Variants in EGR2 observed in about 807,000 individuals in gnomAD.
The protein encoded by EGR2 is E3 SUMO-protein ligase EGR2.
A neutral mutation model predicts 21.2 loss-of-function variants in EGR2; 2 were observed. The ratio of observed to expected loss-of-function variants is 0.09; its 90% CI spans 0.04 to 0.30. EGR2 has a LOEUF of 0.30. Among genes scored for constraint, EGR2 ranks in the 10% least tolerant of loss-of-function variants. The pLI is 1.00. For synonymous variants in EGR2, 282 were observed against 258.2 expected (o/e 1.09, Z -0.88); for missense variants, 458 against 630.2 (o/e 0.73, Z 2.93).
chr10:62,818,345 C>G (rs539494728), upstream of EGR2, among the ~76,000 whole-genome samples: 1 of 152,354 alleles, frequency 6.6e-6, no homozygotes, highest in Non-Finnish European at 1.5e-5. Flanking sequence ...ACTTAAGTCA[C>G]CCAGAGCACA....
In EGR2 at chr10:62,816,214, T is replaced by A; in HGVS notation, c.-185A>T. 1 of 1,482,146 alleles carries A rather than the reference T, an allele frequency of 6.7e-7. No homozygotes were observed. Among genetic ancestry groups the A allele is most frequent in the Non-Finnish European group, 8.9e-7 (1 of 1,119,972 alleles). 91.8% of individuals were successfully genotyped at this position (1,482,146 alleles called of 1,614,324 possible). On this transcript the variant is annotated 5_prime_UTR_variant, in exon 1 of 2. Coordinates refer to ENST00000242480, the MANE Select transcript of EGR2 (RefSeq NM_000399.5). ...AATAAAAGTAGCAAACAAGTTGCTGTTTTTTAAGAAATAAGAAAAATGTCT... is the reference window on the plus strand; with the variant it reads ...AATAAAAGTAGCAAACAAGTTGCTGATTTTTAAGAAATAAGAAAAATGTCT...
chr10:62,819,090 A>G (rs371260302), upstream of EGR2: 66 of 152,442 alleles, frequency 4.3e-4, 2 homozygotes, highest in African/African-American at 1.5e-3. Context: ...CATTAGAGTA[A>G]ATGAGAGTGA....
Position 62,814,217 on chromosome 10 carries a change from G to C in EGR2, c.421C>G (p.Pro141Ala). 2 of 1,614,182 alleles carry C rather than the reference G, an allele frequency of 1.2e-6. No homozygotes were observed. The highest frequency in any genetic ancestry group is 1.7e-6 in the Non-Finnish European group (2 of 1,180,010). The change falls in exon 2 of 2, where the codon CCC becomes GCC. Residue 141 changes from proline to alanine, a missense_variant. Around this residue, in one of 5 missense-constraint regions of EGR2, gnomAD observed 253 missense variants for 315.5 expected, o/e 0.80. Transcript: ENST00000242480. This position sits in a 1 kb window ranked among gnomAD's most constrained non-coding sequence, Gnocchi z 4.8. The part of the protein sequence containing the change: ...TASSSVTSAS[P>A]NPLATGPLGV... ...AGGGGTCCTGTGGCCAGTGGGTTGG[G>C]GGAGGCAGAGGTGACGCTGGATGAG...
upstream of EGR2, chr10:62,818,501 GAAAGA>G (rs1589084452): frequency 8.8e-7 from 1 of 1,136,858 alleles, no homozygotes; most frequent in Non-Finnish European, 1.1e-6. Flanking sequence ...AAGAAAGAAA[GAAAGA>G]AAAGAAAAGC....
upstream of EGR2, chr10:62,818,450 G>C: frequency 1.6e-6 from 1 of 620,198 alleles, no homozygotes; most frequent in South Asian, 2.2e-5. Flanking sequence ...CACCCTAGTA[G>C]ATACCCCACC....
In EGR2 at chr10:62,813,884, G is replaced by A; in HGVS notation, c.754C>T (p.Pro252Ser). The A allele has an allele frequency of 6.2e-7, 1 of 1,614,192 alleles. No individual in the cohort carries two copies. The highest frequency in any genetic ancestry group is 8.5e-7 in the Non-Finnish European group (1 of 1,180,042). The change falls in exon 2 of 2, where the codon CCA (proline) becomes TCA (serine). Residue 252 changes from proline to serine, a missense_variant. Physicochemically the swap from Pro to Ser is moderately conservative, Grantham distance 74. Transcript: ENST00000242480. The surrounding 1 kb of genome is among the most constrained non-coding windows in gnomAD (Gnocchi z 5.7). ...GGGGGCACCCGCAGGGTGTCCAGTG[G>A]GCAGGGAAAGGGCTTACGGTCTGGG... Reference protein sequence around the residue: ...AGPDRKPFPCPLDTLRVPPPL... With the variant: ...AGPDRKPFPCSLDTLRVPPPL...
rs765263548 is a variant in EGR2, at chr10:62,813,327, G to T, written c.1311C>A (p.Ala437=). 2 of 1,587,588 alleles carry T rather than the reference G, an allele frequency of 1.3e-6. No homozygotes were observed. Among genetic ancestry groups the T allele is most frequent in the Non-Finnish European group, 1.7e-6 (2 of 1,164,346 alleles). ...CCCCAGAGCAGGAGGCTGTAGAGGG[G>T]GCTGGCACCGATGCAGAGGGGGCAC... The part of the protein sequence containing the change: ...KSSAPSASVP[A]PSTASCSGGV... Residue 437 remains alanine, a synonymous_variant, in exon 2 of 2, where the codon GCC becomes GCA. Coordinates refer to ENST00000242480, the MANE Select transcript of EGR2 (RefSeq NM_000399.5). The surrounding 1 kb of genome is among the most constrained non-coding windows in gnomAD (Gnocchi z 5.7).
At chr10:62,817,898 T>C (rs1838291846), upstream of EGR2, among the ~76,000 whole-genome samples, 1 of 152,236 alleles carries the variant, frequency 6.6e-6, no homozygotes, top group Non-Finnish European at 1.5e-5. The surrounding 1 kb of genome is among the most constrained non-coding windows in gnomAD (Gnocchi z 4.4). Flanking sequence ...CACAGGAGGC[T>C]GGTCCCGGGT....
rs1237089661 is a variant in EGR2, at chr10:62,814,460, T to A, written c.178A>T (p.Ile60Phe). ...QMNGVAGDGM[I>F]NIDMTGEKRS... Reference sequence around the variant, plus strand: ...TTCTCTCCAGTCATGTCAATGTTGATCATGCCATCTGGGGAGGGGAAAGGC... The same window carrying A: ...TTCTCTCCAGTCATGTCAATGTTGAACATGCCATCTGGGGAGGGGAAAGGC... The change falls in exon 2 of 2, where the codon ATC becomes TTC. Residue 60 changes from isoleucine (I) to phenylalanine (F), a missense_variant. Around this residue, in one of 5 missense-constraint regions of EGR2, gnomAD observed 91 missense variants for 105.2 expected, o/e 0.87. Transcript: ENST00000242480. This position sits in a 1 kb window ranked among gnomAD's most constrained non-coding sequence, Gnocchi z 4.8. 6.2e-7 allele frequency: 1 copy of A among 1,613,994 alleles called. No individual in the cohort carries two copies. Among genetic ancestry groups the A allele is most frequent in the Non-Finnish European group, 8.5e-7 (1 of 1,179,992 alleles).
At chr10:62,818,053 C>CT (rs1249742443), upstream of EGR2, among the ~76,000 whole-genome samples, 1 of 152,272 alleles carries the variant, frequency 6.6e-6, no homozygotes, top group African/African-American at 2.4e-5. Flanking sequence ...TGTCCTGTCC[C>CT]TTTTTCACCC....
upstream of EGR2, chr10:62,818,545 T>G: frequency 5.6e-6 from 7 of 1,247,124 alleles, no homozygotes; most frequent in Non-Finnish European, 7.2e-6. Context: ...TCTTACCACG[T>G]GCGCCAGCCC....
Position 62,814,056 on chromosome 10 carries a change from G to A in EGR2, c.582C>T (p.Thr194=). 1 of 1,614,158 alleles carries A rather than the reference G, an allele frequency of 6.2e-7. No homozygotes were observed. The highest frequency in any genetic ancestry group is 1.1e-5 in the South Asian group (1 of 91,078). ...DPSAFLSAAT[T]STSSSLAYPP... ...GGTAGGCCAGAGAGGAAGAGGTGGA[G>A]GTGGTGGCTGCTGACAGGAACGCAG... The change falls in exon 2 of 2, where the codon ACC becomes ACT. Residue 194 remains threonine, a synonymous_variant. Coordinates refer to ENST00000242480, the MANE Select transcript of EGR2 (RefSeq NM_000399.5). The surrounding 1 kb of genome is among the most constrained non-coding windows in gnomAD (Gnocchi z 4.8).
At position 62,812,009 on chromosome 10, in the gene EGR2, T is replaced by C. The variant is rs1312657232; in HGVS notation, c.*1198A>G. ...CTGCAACAAAAATATTGTTGAAAAG[T>C]ATTTATTTACACTATAGTCACAAAC... On this transcript the variant is annotated 3_prime_UTR_variant, in exon 2 of 2. Transcript: ENST00000242480. 2.0e-5 allele frequency: 3 copies of C among 152,546 alleles called. No homozygotes were observed. Among genetic ancestry groups the C allele is most frequent in the Admixed American group, 1.3e-4 (2 of 15,286 alleles). The allele number at this position is 152,546 out of a possible 1,614,324, so 9.4% of individuals were successfully genotyped here. A position where few individuals can be genotyped will look rare whatever the true frequency, so the allele number is the denominator to read the frequency against.
rs569723257 is a variant in EGR2, at chr10:62,812,543, C to A, written c.*664G>T. 6.5e-6 allele frequency: 1 copy of A among 152,866 alleles called. No individual in the cohort carries two copies. Among genetic ancestry groups the A allele is most frequent in the South Asian group, 2.1e-4 (1 of 4,822 alleles). 9.5% of individuals were successfully genotyped at this position (152,866 alleles called of 1,614,324 possible). On this transcript the variant is annotated 3_prime_UTR_variant, in exon 2 of 2. Coordinates refer to ENST00000242480, the MANE Select transcript of EGR2 (RefSeq NM_000399.5). ...CACTGAAAAAATAGCCTACATTTCT[C>A]AAACAACTCGAAAAGGAGCAGATAT... is the stretch of plus-strand genomic sequence containing the variant.
Position 62,815,783 on chromosome 10 carries a change from G to T in EGR2, c.169+78C>A. On this transcript the variant is annotated intron_variant, in intron 1 of 1. Transcript: ENST00000242480. ...ACCTGGAGCCCCAATCCTCTCCTGC[G>T]ATTCCCGCACACCCACTGCACCCCA... The T allele has an allele frequency of 1.9e-6, 3 of 1,551,318 alleles. No individual in the cohort carries two copies. In the South Asian group the frequency reaches 3.4e-5, roughly 18 times the overall value.
At chr10:62,817,794 C>T (rs1838287121), upstream of EGR2, among the ~76,000 whole-genome samples, 1 of 152,194 alleles carries the variant, frequency 6.6e-6, no homozygotes, top group African/African-American at 2.4e-5. The surrounding 1 kb of genome is among the most constrained non-coding windows in gnomAD (Gnocchi z 4.4). Flanking sequence ...TTTCCAAAGT[C>T]CAAATAGCAG....
rs140201739 is a variant in EGR2, at chr10:62,814,454, T to C, written c.184A>G (p.Ile62Val). Residue 62 changes from isoleucine to valine, a missense_variant, in exon 2 of 2, where the codon ATT becomes GTT. Around this residue, in one of 5 missense-constraint regions of EGR2, gnomAD observed 91 missense variants for 105.2 expected, o/e 0.87. Transcript: ENST00000242480. The surrounding 1 kb of genome is among the most constrained non-coding windows in gnomAD (Gnocchi z 4.8). ...NGVAGDGMIN[I>V]DMTGEKRSLD... ...GACCTCTTCTCTCCAGTCATGTCAA[T>C]GTTGATCATGCCATCTGGGGAGGGG... is the stretch of plus-strand genomic sequence containing the variant. The C allele has an allele frequency of 3.1e-6, 5 of 1,613,928 alleles. No homozygotes were observed. The highest frequency in any genetic ancestry group is 4.2e-6 in the Non-Finnish European group (5 of 1,179,992).
chr10:62,818,578 T>TCCCGCGGCC, upstream of EGR2: 1 of 1,277,930 alleles, frequency 7.8e-7, no homozygotes, highest in Non-Finnish European at 1.0e-6. Flanking sequence ...CTCTGGCGGG[T>TCCCGCGGCC]CCCGCGGCCC....
At chr10:62,815,724 C>T (rs1308208098) in intron 1 of EGR2, 137 bp downstream of exon 1, 2 of 1,155,934 alleles carry the variant, frequency 1.7e-6, no homozygotes, top group Non-Finnish European at 2.5e-6. Flanking sequence ...GCACCCACTT[C>T]CAGTCTTCAA....
Sources: allele counts gnomAD v4.1 joint callset (sites outside exome capture counted in the v4.1 genomes callset), GRCh38; gene constraint gnomAD v4.1.1; regional missense constraint gnomAD v4.1.1; non-coding constraint Gnocchi (gnomAD v3.1); transcripts MANE v1.5; gene names NCBI Gene and HGNC (gene_info 2026-07-23, HGNC 2026-07-21).